POLR1A: variants seen among roughly 807,000 people sequenced by gnomAD.
POLR1A encodes the protein RNA polymerase I subunit A, also known as DNA-directed RNA polymerase I subunit RPA1.
A neutral mutation model predicts 205.3 loss-of-function variants in POLR1A; 84 were observed. The observed-to-expected ratio is 0.41, with a 90% CI of 0.34 to 0.49. POLR1A has a LOEUF of 0.49. POLR1A is among the 20% of genes least tolerant of loss of function. The pLI, the probability that POLR1A is intolerant of heterozygous loss-of-function variation, is 0.22. For missense variants in POLR1A, 1,645 were observed against 2,204.5 expected (o/e 0.75, Z 5.08); for synonymous variants, 799 against 863.7 (o/e 0.93, Z 1.31).
chr2:86,055,092 C>A (rs182644236), intron 14 of POLR1A, among the ~76,000 whole-genome samples: 1 of 152,164 alleles, frequency 6.6e-6, no homozygotes, highest in East Asian at 1.9e-4. Context: ...GTCAAGAGAT[C>A]GAGACCATCC....
intron 27 of POLR1A, among the ~76,000 whole-genome samples, chr2:86,036,676 G>A (rs529184671): frequency 9.0e-4 from 137 of 152,266 alleles, no homozygotes; most frequent in African/African-American, 3.1e-3. Flanking sequence ...AGTCCAGACC[G>A]CACCCAGCTC....
intron 18 of POLR1A, among the ~76,000 whole-genome samples, chr2:86,047,670 G>A (rs905425457): frequency 7.9e-5 from 12 of 152,168 alleles, no homozygotes; most frequent in Non-Finnish European, 1.3e-4. Flanking sequence ...CTCTCCCAGC[G>A]TGAATACCAA....
At chr2:86,049,106 C>T in intron 17 of POLR1A, 54 bp downstream of exon 17, 3 of 1,610,056 alleles carry the variant, frequency 1.9e-6, no homozygotes, top group Non-Finnish European at 2.6e-6. Flanking sequence ...GGTTTTGACT[C>T]AGCACACACT....
chr2:86,027,978 G>A lies in POLR1A; in HGVS notation c.4969C>T (p.Leu1657=). ...TTTGACCGGATCCCAAAGCGATTCA[G>A]TGGCTTGTAAACACCCTCGAAGCAC... is the stretch of plus-strand genomic sequence containing the variant. ...YMCFEGVYKP[L]NRFGIRSNSS... The change falls in exon 33 of 34, where the codon CTG becomes TTG. Residue 1657 remains leucine, a synonymous_variant. Transcript: ENST00000263857. 6.2e-7 allele frequency: 1 copy of A among 1,614,254 alleles called. No homozygotes were observed. Among genetic ancestry groups the A allele is most frequent in the South Asian group, 1.1e-5 (1 of 91,088 alleles).
chr2:86,088,523 G>C (rs1161045944), intron 6 of POLR1A, 43 bp downstream of exon 6: 1 of 1,231,162 alleles, frequency 8.1e-7, no homozygotes, highest in South Asian at 1.2e-5. Flanking sequence ...GGACACATCT[G>C]CTGGCCTCAC....
chr2:86,034,554 C>T (rs993247294), intron 27 of POLR1A, among the ~76,000 whole-genome samples: 4 of 152,150 alleles, frequency 2.6e-5, no homozygotes, highest in East Asian at 3.9e-4. Flanking sequence ...CCACCCTGTC[C>T]CCTCCATACC....
At chr2:86,068,764 C>T (rs553709290) in intron 13 of POLR1A, among the ~76,000 whole-genome samples, 1 of 152,368 alleles carries the variant, frequency 6.6e-6, no homozygotes, top group East Asian at 1.9e-4. Flanking sequence ...CCAACTCAAA[C>T]AACCGGGACC....
rs1275149060 is a variant in POLR1A, at chr2:86,028,781, C to G, written c.4780-70G>C. ...TGCTCCCTTCTGCCTGCGTATCTCC[C>G]CCTGGCCGCTCTCTCTCTCCTTGTG... On this transcript the variant is annotated intron_variant, in intron 31 of 33. Coordinates refer to ENST00000263857, the MANE Select transcript of POLR1A (RefSeq NM_015425.6). This position sits in a 1 kb window ranked among gnomAD's most constrained non-coding sequence, Gnocchi z 4.5. 3 of 1,109,494 alleles carry G rather than the reference C, an allele frequency of 2.7e-6. No homozygotes were observed. In the African/African-American group the frequency reaches 4.6e-5, roughly 17 times the overall value. The allele number at this position is 1,109,494 out of a possible 1,614,324, so 68.7% of individuals were successfully genotyped here. A position where few individuals can be genotyped will look rare whatever the true frequency, so the allele number is the denominator to read the frequency against.
chr2:86,042,946 C>T (rs1401822088), intron 23 of POLR1A, 28 bp downstream of exon 23: 18 of 1,538,042 alleles, frequency 1.2e-5, no homozygotes, highest in African/African-American at 5.5e-5. Context: ...ACGTGCTGGA[C>T]ATTAAGGACA....
At chr2:86,102,923 G>T (rs1673849185) in intron 1 of POLR1A, among the ~76,000 whole-genome samples, 2 of 152,074 alleles carry the variant, frequency 1.3e-5, no homozygotes, top group South Asian at 4.1e-4. Flanking sequence ...CTGAGAATGG[G>T]TGTCGTTAAG....
Position 86,040,618 on chromosome 2 carries a change from C to T in POLR1A, c.3573-59G>A, listed in dbSNP as rs1246085956. ...TGTGGCAGGGGTCAGGAGCAGACAC[C>T]ACAGACTGTCAATGCTGCCCGAAAC... is the stretch of plus-strand genomic sequence containing the variant. On this transcript the variant is annotated intron_variant, in intron 24 of 33. Transcript: ENST00000263857. 6 of 1,318,096 alleles carry T rather than the reference C, an allele frequency of 4.6e-6. No individual in the cohort carries two copies. In the African/African-American group the frequency reaches 7.3e-5, roughly 16 times the overall value. The allele number at this position is 1,318,096 out of a possible 1,614,324, so 81.7% of individuals were successfully genotyped here. A position where few individuals can be genotyped will look rare whatever the true frequency, so the allele number is the denominator to read the frequency against.
At chr2:86,068,382 T>G (rs1673117706) in intron 13 of POLR1A, among the ~76,000 whole-genome samples, 1 of 614 alleles carries the variant, frequency 1.6e-3, no homozygotes, top group Non-Finnish European at 3.1e-3. Flanking sequence ...GCCAAGCACA[T>G]GGGCGGGGGG....
At chr2:86,077,645 C>T (rs773949978) in intron 11 of POLR1A, among the ~76,000 whole-genome samples, 1 of 152,144 alleles carries the variant, frequency 6.6e-6, no homozygotes, top group Non-Finnish European at 1.5e-5. Context: ...GGAGTGACAG[C>T]AATGCCATCA....
chr2:86,070,338 T>C lies in POLR1A; in HGVS notation c.1612-66A>G, dbSNP rs1447864477. ...CAGTATCACCACGGCTCTTTCCAAG[T>C]GCTCACCTCAGCTTGACCAAGGTGT... On this transcript the variant is annotated intron_variant, in intron 12 of 33. Coordinates refer to ENST00000263857, the MANE Select transcript of POLR1A (RefSeq NM_015425.6). The surrounding 1 kb of genome is among the most constrained non-coding windows in gnomAD (Gnocchi z 4.4). 6.6e-7 allele frequency: 1 copy of C among 1,511,306 alleles called. No homozygotes were observed. Among genetic ancestry groups the C allele is most frequent in the South Asian group, 1.3e-5 (1 of 78,272 alleles). The allele number at this position is 1,511,306 out of a possible 1,614,324, so 93.6% of individuals were successfully genotyped here. A position where few individuals can be genotyped will look rare whatever the true frequency, so the allele number is the denominator to read the frequency against.
At chr2:86,094,781 T>C (rs1409248947) in intron 3 of POLR1A, among the ~76,000 whole-genome samples, 1 of 152,196 alleles carries the variant, frequency 6.6e-6, no homozygotes, top group Non-Finnish European at 1.5e-5. Flanking sequence ...TAAGTACTTA[T>C]TCATCAACAT....
intron 6 of POLR1A, among the ~76,000 whole-genome samples, chr2:86,084,491 A>G (rs1673465110): frequency 6.6e-6 from 1 of 152,024 alleles, no homozygotes; most frequent in African/African-American, 2.4e-5. Context: ...GAAACTAAGC[A>G]TTACTCAATG....
chr2:86,060,699 T>G (rs1054082300), intron 14 of POLR1A, among the ~76,000 whole-genome samples: 5 of 152,230 alleles, frequency 3.3e-5, no homozygotes, highest in Middle Eastern at 3.4e-3. Flanking sequence ...CCTAGGCAGA[T>G]AGCAGACCCA....
chr2:86,052,967 C>T lies in POLR1A; in HGVS notation c.2242G>A (p.Val748Met), dbSNP rs1285328958. 6.3e-7 allele frequency: 1 copy of T among 1,598,848 alleles called. No individual in the cohort carries two copies. Among genetic ancestry groups the T allele is most frequent in the South Asian group, 1.1e-5 (1 of 89,276 alleles). The change falls in exon 16 of 34, where the codon GTG becomes ATG. Residue 748 changes from valine to methionine, a missense_variant. Physicochemically the swap from Val to Met is conservative, Grantham distance 21 (BLOSUM62 1). This residue lies in a region of POLR1A where 339 missense variants were observed against 415.1 expected (regional missense o/e 0.82). Coordinates refer to ENST00000263857, the MANE Select transcript of POLR1A (RefSeq NM_015425.6). Reference protein sequence around the residue: ...IIREGELLCGVLDKAHYGSSA... With the variant: ...IIREGELLCGMLDKAHYGSSA... ...CTCCCATAGTGCGCCTTGTCCAGCA[C>T]TCCGCAGAGCAGCTCCCCTTCCCTG...
chr2:86,039,574 G>C (rs1672562415), intron 25 of POLR1A, 112 bp from the exon 26 acceptor site: 3 of 1,223,090 alleles, frequency 2.5e-6, no homozygotes, highest in African/African-American at 3.0e-5. Context: ...GAGGCCTGGG[G>C]ATCTCACAGG....
Sources: gnomAD v4.1 joint callset for allele counts (sites outside exome capture counted in the v4.1 genomes callset) on GRCh38, gnomAD v4.1.1 for gene constraint, gnomAD v4.1.1 regional missense constraint, Gnocchi (gnomAD v3.1) non-coding constraint, MANE v1.5 for transcripts, NCBI Gene and HGNC (gene_info 2026-07-23, HGNC 2026-07-21) for gene names.